The following KDM4C variants were observed in gnomAD, a reference collection of about 807,000 sequenced individuals.
KDM4C encodes lysine demethylase 4C.
KDM4C carries 81 observed loss-of-function variants against 129.3 expected under a neutral mutation model. That is an observed-to-expected ratio of 0.63 (90% CI 0.52 to 0.75). The LOEUF (loss-of-function observed/expected upper bound fraction) is 0.75, where lower values mean the gene tolerates loss of function less well. Ranked by LOEUF, KDM4C falls within the 30% of genes least tolerant of loss-of-function variation. KDM4C has a pLI of 0.00. For missense variants in KDM4C, 1,457 were observed against 1,304.0 expected (o/e 1.12, Z -1.81); for synonymous variants, 573 against 456.1 (o/e 1.26, Z -3.26).
chr9:7,022,633 A>ATTT (rs1554702966), intron 15 of KDM4C, among the ~76,000 whole-genome samples: 2 of 88,838 alleles, frequency 2.3e-5, no homozygotes, highest in Non-Finnish European at 4.3e-5. Flanking sequence ...CAAACCCTTT[A>ATTT]TTTCTTTTTT....
intron 8 of KDM4C, among the ~76,000 whole-genome samples, chr9:6,950,843 A>G (rs1196920145): frequency 6.6e-6 from 1 of 152,110 alleles, no homozygotes. Context: ...TGACTGCTCT[A>G]CCAAAAAGCT....
At chr9:6,722,743 C>A (rs1479371863) in intron 1 of KDM4C, among the ~76,000 whole-genome samples, 5 of 151,904 alleles carry the variant, frequency 3.3e-5, no homozygotes, top group African/African-American at 9.7e-5. Flanking sequence ...GAACTCTCAA[C>A]CTCAGGTGAT....
In KDM4C at chr9:6,835,401, C is replaced by CACCG. The variant is rs1169673638; in HGVS notation, c.436-14105_436-14102dup. 3.5e-6 allele frequency: 4 copies of CACCG among 1,137,648 alleles called. No individual in the cohort carries two copies. In the Admixed American group the frequency reaches 6.8e-5, roughly 19 times the overall value. The allele number at this position is 1,137,648 out of a possible 1,614,324, so 70.5% of individuals were successfully genotyped here. A position where few individuals can be genotyped will look rare whatever the true frequency, so the allele number is the denominator to read the frequency against. ...TTGCCAACAGGATGCAGAAGGAGAT[C>CACCG]ACCGCCCTGGCGCCCAGCACGATGA... On this transcript the variant is annotated intron_variant, in intron 4 of 21. Coordinates refer to ENST00000381309, the MANE Select transcript of KDM4C (RefSeq NM_015061.6).
chr9:7,011,060 A>G (rs1333246287), intron 12 of KDM4C, among the ~76,000 whole-genome samples: 1 of 152,162 alleles, frequency 6.6e-6, no homozygotes, highest in East Asian at 1.9e-4. Context: ...AGAAAAAAAG[A>G]AAGAAAAAGA....
At chr9:7,099,010 C>G (rs962071417) in intron 17 of KDM4C, among the ~76,000 whole-genome samples, 30 of 152,210 alleles carry the variant, frequency 2.0e-4, no homozygotes, top group African/African-American at 6.5e-4. Context: ...GTCCGTTGAG[C>G]CAAACATTGT....
At chr9:6,819,437 G>A (rs1564085804) in intron 4 of KDM4C, among the ~76,000 whole-genome samples, 1 of 152,264 alleles carries the variant, frequency 6.6e-6, no homozygotes. Flanking sequence ...CATCCTCATC[G>A]TTTACAGGTT....
At chr9:7,034,416 A>T (rs1362036640) in intron 15 of KDM4C, among the ~76,000 whole-genome samples, 1 of 152,134 alleles carries the variant, frequency 6.6e-6, no homozygotes, top group Non-Finnish European at 1.5e-5. Flanking sequence ...CTATGGGATC[A>T]ACTTGTTTCA....
chr9:6,768,887 C>T (rs1021211630), intron 1 of KDM4C, among the ~76,000 whole-genome samples: 2 of 152,084 alleles, frequency 1.3e-5, no homozygotes, highest in African/African-American at 2.4e-5. Context: ...ATTCTCCTGC[C>T]TCAGCCTCCC....
chr9:7,127,358 A>G (rs1243528091), intron 18 of KDM4C, among the ~76,000 whole-genome samples: 1 of 152,194 alleles, frequency 6.6e-6, no homozygotes, highest in South Asian at 2.1e-4. Context: ...ATTATCATTG[A>G]GGGGTAAGCA....
At chr9:6,930,107 T>C (rs1454320113) in intron 8 of KDM4C, among the ~76,000 whole-genome samples, 1 of 152,220 alleles carries the variant, frequency 6.6e-6, no homozygotes, top group African/African-American at 2.4e-5. Flanking sequence ...CTTGGTGCTA[T>C]GCTAAGTGTC....
At chr9:6,832,361 T>C (rs1169671287) in intron 4 of KDM4C, among the ~76,000 whole-genome samples, 2 of 150,958 alleles carry the variant, frequency 1.3e-5, no homozygotes, top group African/African-American at 4.9e-5. Context: ...AAGTTGAATT[T>C]GTCAAGGGGC....
intron 1 of KDM4C, among the ~76,000 whole-genome samples, chr9:6,792,645 C>A (rs369507640): frequency 1.3e-5 from 2 of 152,104 alleles, no homozygotes; most frequent in East Asian, 1.9e-4. Context: ...TCTTGGCCCC[C>A]CAAAGTGCTG....
At chr9:6,868,263 A>T (rs1040601707) in intron 5 of KDM4C, among the ~76,000 whole-genome samples, 4 of 151,936 alleles carry the variant, frequency 2.6e-5, no homozygotes, top group African/African-American at 9.7e-5. Context: ...TGAACTAGAG[A>T]CACTCTAGCA....
rs112600977 is a variant in KDM4C at position 7,078,028 on chromosome 9, C to G, written c.2425-25657C>G. ...TGTTTAATTAATGTTTCTAATATTT[C>G]TTTAAAAATCAAGTTTTGATGAGAA... On this transcript the variant is annotated intron_variant, in intron 17 of 21. Coordinates refer to ENST00000381309, the MANE Select transcript of KDM4C (RefSeq NM_015061.6). Among the ~76,000 whole-genome samples the G allele has an allele frequency of 5.5e-3, 831 of 152,172 alleles. 4 individuals are homozygous for G. Among genetic ancestry groups the G allele is most frequent in the African/African-American group, 0.015 (628 of 41,498 alleles).
At chr9:7,145,431 T>TGG (rs1181282218) in intron 19 of KDM4C, among the ~76,000 whole-genome samples, 1 of 152,104 alleles carries the variant, frequency 6.6e-6, no homozygotes, top group Non-Finnish European at 1.5e-5. Context: ...GACAGGCTGA[T>TGG]GGGGGGCGCA....
chr9:7,034,317 C>G (rs1036364030), intron 15 of KDM4C, among the ~76,000 whole-genome samples: 3 of 152,192 alleles, frequency 2.0e-5, no homozygotes, highest in African/African-American at 7.2e-5. Flanking sequence ...TCCTATCTAG[C>G]TGTAATTTTT....
Position 6,790,464 on chromosome 9 carries a change from G to T in KDM4C, c.-17-2508G>T, listed in dbSNP as rs1339832271. 6.0e-5 allele frequency among the ~76,000 whole-genome samples: 9 copies of T among 149,700 alleles called. 1 individual carries two copies. Among genetic ancestry groups the T allele is most frequent in the Admixed American group, 6.0e-4 (9 of 14,998 alleles). Reference sequence around the variant, plus strand: ...AGATGGGGTTTCACCGTGTTAGCCAGGATGGTCTCCATCTCCTGACCTCAA... The same window carrying T: ...AGATGGGGTTTCACCGTGTTAGCCATGATGGTCTCCATCTCCTGACCTCAA... On this transcript the variant is annotated intron_variant, in intron 1 of 21. Coordinates refer to ENST00000381309, the MANE Select transcript of KDM4C (RefSeq NM_015061.6).
chr9:6,869,474 A>T (rs1410756071), intron 5 of KDM4C, among the ~76,000 whole-genome samples: 1 of 152,172 alleles, frequency 6.6e-6, no homozygotes, highest in Non-Finnish European at 1.5e-5. Context: ...TGGGGAGTTC[A>T]CTCTGAGATT....
intron 17 of KDM4C, among the ~76,000 whole-genome samples, chr9:7,068,989 G>A (rs933217431): frequency 3.3e-5 from 5 of 151,976 alleles, no homozygotes; most frequent in South Asian, 2.1e-4. Flanking sequence ...GAGCCACCGC[G>A]CCTGGCCTAT....
Sources: gnomAD v4.1 joint callset for allele counts (sites outside exome capture counted in the v4.1 genomes callset) on GRCh38, gnomAD v4.1.1 for gene constraint, MANE v1.5 for transcripts, NCBI Gene and HGNC (gene_info 2026-07-23, HGNC 2026-07-21) for gene names.